NCKAP5: variants seen among roughly 807,000 people sequenced by gnomAD.
The protein encoded by NCKAP5 is NCK associated protein 5.
A neutral mutation model predicts 167.0 loss-of-function variants in NCKAP5; 92 were observed. That is an observed-to-expected ratio of 0.55 (90% CI 0.47 to 0.66). The LOEUF (loss-of-function observed/expected upper bound fraction) is 0.66, where lower values mean the gene tolerates loss of function less well. Among genes scored for constraint, NCKAP5 ranks in the 30% least tolerant of loss-of-function variants. The pLI, the probability that NCKAP5 is intolerant of heterozygous loss-of-function variation, is 0.00. For synonymous variants in NCKAP5, 891 were observed against 877.4 expected (o/e 1.02, Z -0.27); for missense variants, 2,378 against 2,315.0 (o/e 1.03, Z -0.56).
chr2:133,268,890 A>G (rs989996607), intron 4 of NCKAP5: 1 of 152,244 alleles, frequency 6.6e-6, no homozygotes, highest in Non-Finnish European at 1.5e-5. Flanking sequence ...AGAAATGAGT[A>G]TTTCAAAAAG....
chr2:133,086,617 G>T (rs567778907), intron 6 of NCKAP5, among the ~76,000 whole-genome samples: 1 of 152,202 alleles, frequency 6.6e-6, no homozygotes, highest in East Asian at 1.9e-4. Context: ...ACTCCAGCCT[G>T]AGTGACAGAG....
intron 3 of NCKAP5, among the ~76,000 whole-genome samples, chr2:133,424,468 A>C (rs1689669321): frequency 6.6e-6 from 1 of 152,318 alleles, no homozygotes; most frequent in African/African-American, 2.4e-5. Context: ...ATTCTTTAAA[A>C]TTCAGTTGAC....
At chr2:132,878,683 A>C (rs911019206) in intron 9 of NCKAP5, among the ~76,000 whole-genome samples, 165 bp downstream of exon 9, 1 of 151,440 alleles carries the variant, frequency 6.6e-6, no homozygotes, top group African/African-American at 2.4e-5. Flanking sequence ...CACACCGCCC[A>C]CACACACACA....
chr2:133,653,138 C>T, the NCKAP5 span, among the ~76,000 whole-genome samples: 1 of 152,192 alleles, frequency 6.6e-6, no homozygotes. Context: ...GTGCATCCAA[C>T]TCTAGTTTGA....
intron 11 of NCKAP5, among the ~76,000 whole-genome samples, chr2:132,838,475 C>G (rs1434555756): frequency 2.0e-5 from 3 of 151,900 alleles, no homozygotes; most frequent in African/African-American, 7.3e-5. Flanking sequence ...ACTAAAAACA[C>G]AAAAAAATTA....
At chr2:132,771,839 AT>A (rs70973406) in intron 16 of NCKAP5, among the ~76,000 whole-genome samples, 11,977 of 100,854 alleles carry the variant, frequency 0.12, 382 homozygotes, top group Middle Eastern at 0.15. Context: ...CGCCCGGCTA[AT>A]TTTTTTTTTT....
chr2:132,914,592 G>A (rs981267224), intron 8 of NCKAP5, among the ~76,000 whole-genome samples: 4 of 151,908 alleles, frequency 2.6e-5, no homozygotes, highest in Non-Finnish European at 5.9e-5. Context: ...AAATGCTGGG[G>A]GTAGGGCCAG....
intron 10 of NCKAP5, 48 bp from the exon 11 acceptor site, chr2:132,860,659 TC>T (rs1358913606): frequency 6.5e-7 from 1 of 1,539,198 alleles, no homozygotes; most frequent in Admixed American, 2.0e-5. Flanking sequence ...CTGAAAGATG[TC>T]TTTGCATATT....
chr2:132,685,049 C>T (rs1305626733), intron 19 of NCKAP5, among the ~76,000 whole-genome samples: 1 of 152,268 alleles, frequency 6.6e-6, no homozygotes, highest in East Asian at 1.9e-4. Context: ...TAAAGTGTAA[C>T]CTTTCATATA....
chr2:133,479,978 C>T (rs897130244), intron 3 of NCKAP5, among the ~76,000 whole-genome samples: 1 of 148,088 alleles, frequency 6.8e-6, no homozygotes, highest in African/African-American at 2.5e-5. Context: ...GTCACCCAGG[C>T]TGGAATACAG....
intron 11 of NCKAP5, among the ~76,000 whole-genome samples, chr2:132,800,818 C>A (rs1684968927): frequency 6.6e-6 from 1 of 152,192 alleles, no homozygotes; most frequent in Non-Finnish European, 1.5e-5. Flanking sequence ...GAGTTGTTCT[C>A]TGTGTAGGTT....
chr2:132,988,493 T>C (rs1440160979), intron 7 of NCKAP5, among the ~76,000 whole-genome samples: 1 of 148,284 alleles, frequency 6.7e-6, no homozygotes, highest in Non-Finnish European at 1.5e-5. Flanking sequence ...AGCCATCACT[T>C]ACAGACTAAG....
At chr2:133,038,949 T>A (rs184788175) in intron 6 of NCKAP5, among the ~76,000 whole-genome samples, 4 of 152,182 alleles carry the variant, frequency 2.6e-5, no homozygotes, top group Non-Finnish European at 4.4e-5. Context: ...TGCAAAAATG[T>A]CCAAAAACAT....
intron 13 of NCKAP5, 51 bp downstream of exon 13, chr2:132,789,972 C>G: frequency 6.5e-7 from 1 of 1,528,862 alleles, no homozygotes; most frequent in Middle Eastern, 1.7e-4. Context: ...TGACCAAATC[C>G]TACCAGAAGA....
chr2:133,010,079 A>T (rs7419484), intron 6 of NCKAP5, among the ~76,000 whole-genome samples: 9,139 of 150,962 alleles, frequency 0.061, 807 homozygotes, highest in African/African-American at 0.2. Context: ...TCAAAAAAAA[A>T]AAATAAATAA....
intron 3 of NCKAP5, among the ~76,000 whole-genome samples, chr2:133,456,217 G>A (rs555349675): frequency 1.8e-4 from 28 of 152,214 alleles, no homozygotes; most frequent in Non-Finnish European, 3.8e-4. Context: ...ATATTGCAGC[G>A]GTAGCAATCT....
intron 4 of NCKAP5, among the ~76,000 whole-genome samples, chr2:133,274,011 A>T (rs999698138): frequency 1.6e-4 from 25 of 151,520 alleles, no homozygotes; most frequent in African/African-American, 5.6e-4. Flanking sequence ...GCCTTATATT[A>T]AATAGTTAAG....
chr2:133,325,840 G>A (rs1682398126), intron 3 of NCKAP5, among the ~76,000 whole-genome samples: 1 of 152,142 alleles, frequency 6.6e-6, no homozygotes, highest in African/African-American at 2.4e-5. Flanking sequence ...CAGCATTTGA[G>A]TACTCACTGA....
chr2:132,708,866 T>C (rs1384233160), intron 19 of NCKAP5, among the ~76,000 whole-genome samples: 1 of 152,186 alleles, frequency 6.6e-6, no homozygotes, highest in Non-Finnish European at 1.5e-5. Flanking sequence ...TTGGGTTGTA[T>C]TTTGGCTTTT....
Sources: allele counts gnomAD v4.1 joint callset (sites outside exome capture counted in the v4.1 genomes callset), GRCh38; gene constraint gnomAD v4.1.1; transcripts MANE v1.5; gene names NCBI Gene and HGNC (gene_info 2026-07-23, HGNC 2026-07-21).